The following SUMF1 variants were observed in gnomAD, a reference collection of about 807,000 sequenced individuals.
The protein encoded by SUMF1 is sulfatase modifying factor 1.
A neutral mutation model predicts 47.6 loss-of-function variants in SUMF1; 48 were observed. The ratio of observed to expected loss-of-function variants is 1.01; its 90% CI spans 0.80 to 1.28. The LOEUF (loss-of-function observed/expected upper bound fraction) is 1.28, where lower values mean the gene tolerates loss of function less well. Among genes scored for constraint, SUMF1 ranks in the 50% most tolerant of loss-of-function variants. The probability of loss-of-function intolerance (pLI) is 0.00; values close to 1 mark genes in which losing one functional copy is unlikely to be tolerated. For synonymous variants in SUMF1, 230 were observed against 192.1 expected (o/e 1.20, Z -1.63); for missense variants, 571 against 485.4 (o/e 1.18, Z -1.66).
At chr3:4,056,586 C>T (rs1695195403) in intron 9 of SUMF1, among the ~76,000 whole-genome samples, 2 of 151,886 alleles carry the variant, frequency 1.3e-5, no homozygotes, top group South Asian at 2.1e-4. Context: ...TGAGCCTAAA[C>T]TGTTTGAAGT....
rs187554848 is a variant in SUMF1 at position 4,114,444 on chromosome 3, G to A, written c.1015-45699C>T. Reference sequence around the variant, plus strand: ...GCTAGAAAAATACAGCTTCATCAAAGGTTAAGTGTAACTGTTCATATGATT... The same window carrying A: ...GCTAGAAAAATACAGCTTCATCAAAAGTTAAGTGTAACTGTTCATATGATT... On this transcript the variant is annotated intron_variant and NMD_transcript_variant, in intron 8 of 12. Transcript: ENST00000448413. Among the ~76,000 whole-genome samples, 363 of 152,206 alleles carry A rather than the reference G, an allele frequency of 2.4e-3. 3 individuals are homozygous for A. The highest frequency in any genetic ancestry group is 3.4e-3 in the Middle Eastern group (1 of 294).
In SUMF1 at chr3:4,089,739, C is replaced by T. The variant is rs560972143; in HGVS notation, c.1015-20994G>A. Among the ~76,000 whole-genome samples the T allele has an allele frequency of 2.6e-3, 394 of 152,266 alleles. 2 individuals are homozygous for T. Among genetic ancestry groups the T allele is most frequent in the Non-Finnish European group, 4.5e-3 (307 of 68,012 alleles). On this transcript the variant is annotated intron_variant and NMD_transcript_variant, in intron 8 of 12. Coordinates refer to the SUMF1 transcript ENST00000448413. ...CTCAACTACCACCTTTTAGCAAAGT[C>T]TTTCTGACTTCCCCAACCCAAATTT...
intron 1 of SUMF1, among the ~76,000 whole-genome samples, chr3:4,461,715 T>C (rs867860468): frequency 6.6e-6 from 1 of 152,012 alleles, no homozygotes; most frequent in Middle Eastern, 3.4e-3. Flanking sequence ...TAGATAAAAA[T>C]AGCCTGGATC....
intron 2 of SUMF1, among the ~76,000 whole-genome samples, chr3:4,450,547 C>G (rs964019374): frequency 1.3e-5 from 2 of 152,100 alleles, no homozygotes; most frequent in African/African-American, 4.8e-5. Flanking sequence ...CAAACACCTA[C>G]CATGTGCTCA....
At chr3:4,036,872 A>AGACC (rs1694809012) in intron 9 of SUMF1, among the ~76,000 whole-genome samples, 1 of 119,294 alleles carries the variant, frequency 8.4e-6, no homozygotes, top group African/African-American at 3.3e-5. Flanking sequence ...AAAAAAAAAA[A>AGACC]AGAGACCATG....
At chr3:4,125,206 A>G (rs935739347) in intron 8 of SUMF1, among the ~76,000 whole-genome samples, 2 of 152,130 alleles carry the variant, frequency 1.3e-5, no homozygotes, top group Non-Finnish European at 2.9e-5. Context: ...TTAAATTTAA[A>G]ATAATTAAAA....
At chr3:4,040,620 G>T (rs1434696101) in intron 9 of SUMF1, among the ~76,000 whole-genome samples, 1 of 152,266 alleles carries the variant, frequency 6.6e-6, no homozygotes, top group South Asian at 2.1e-4. Context: ...ATACAAGATT[G>T]GGTATAAAAC....
chr3:4,159,213 C>T (rs1178021096), intron 8 of SUMF1, among the ~76,000 whole-genome samples: 1 of 150,158 alleles, frequency 6.7e-6, no homozygotes, highest in Non-Finnish European at 1.5e-5. Context: ...TTGCAGTCTC[C>T]TCTTCCTTCT....
chr3:4,351,592 GA>G (rs1329392095), intron 8 of SUMF1, among the ~76,000 whole-genome samples: 24 of 152,264 alleles, frequency 1.6e-4, no homozygotes, highest in African/African-American at 5.5e-4. Context: ...TCCAGTGGAT[GA>G]ATGTGTTCCA....
At chr3:4,213,632 C>A (rs917321814) in intron 8 of SUMF1, among the ~76,000 whole-genome samples, 1 of 152,114 alleles carries the variant, frequency 6.6e-6, no homozygotes, top group East Asian at 1.9e-4. Flanking sequence ...TGGATAGAGT[C>A]AAGACCCATC....
intron 8 of SUMF1, among the ~76,000 whole-genome samples, chr3:4,253,162 TC>T (rs767175284): frequency 6.6e-6 from 1 of 152,236 alleles, no homozygotes; most frequent in Non-Finnish European, 1.5e-5. Context: ...TGGTTCACTT[TC>T]CATCTCTTGT....
At chr3:4,244,600 T>G (rs934798533) in intron 8 of SUMF1, among the ~76,000 whole-genome samples, 1 of 152,240 alleles carries the variant, frequency 6.6e-6, no homozygotes, top group African/African-American at 2.4e-5. Context: ...CTCTTCTGGC[T>G]TGTAGGGTTT....
Position 4,467,012 on chromosome 3 carries a change from G to A in SUMF1, c.234C>T (p.Gly78=). ...CGAGTTGCCGCTCTCCGGGTACGGG[G>A]CCCGGAGCGTTAGCCTCCCGCGAGT... ...HRYSREANAP[G]PVPGERQLAH... The change falls in exon 1 of 9, where the codon GGC becomes GGT. Residue 78 remains glycine (G), a synonymous_variant. Transcript: ENST00000272902. 1.9e-6 allele frequency: 3 copies of A among 1,594,436 alleles called. No homozygotes were observed. Among genetic ancestry groups the A allele is most frequent in the South Asian group, 1.1e-5 (1 of 88,330 alleles).
chr3:4,162,358 G>A (rs1694599415), intron 8 of SUMF1, among the ~76,000 whole-genome samples: 1 of 152,146 alleles, frequency 6.6e-6, no homozygotes, highest in Admixed American at 6.5e-5. Flanking sequence ...CACTGGCTCT[G>A]AGCCCAGCAC....
At chr3:4,145,465 C>A (rs1694172259) in intron 8 of SUMF1, among the ~76,000 whole-genome samples, 1 of 152,130 alleles carries the variant, frequency 6.6e-6, no homozygotes, top group South Asian at 2.1e-4. Flanking sequence ...TACCTCTCTG[C>A]AATTCATATC....
chr3:4,249,920 T>A (rs1176572869), intron 8 of SUMF1, among the ~76,000 whole-genome samples: 1 of 152,148 alleles, frequency 6.6e-6, no homozygotes, highest in Non-Finnish European at 1.5e-5. Context: ...CAGTGGCTCA[T>A]GCCTCTAATC....
At chr3:4,066,314 CT>C (rs1559439550) in intron 9 of SUMF1, among the ~76,000 whole-genome samples, 1 of 151,992 alleles carries the variant, frequency 6.6e-6, no homozygotes, top group East Asian at 1.9e-4. Flanking sequence ...ATAAAACGAT[CT>C]TTTTTCATGA....
At chr3:4,452,447 T>C (rs1160010746) in intron 2 of SUMF1, among the ~76,000 whole-genome samples, 7 of 152,210 alleles carry the variant, frequency 4.6e-5, no homozygotes, top group Non-Finnish European at 7.3e-5. Flanking sequence ...TATGAAATGC[T>C]TCTGGAAAAA....
At position 4,051,877 on chromosome 3, in the gene SUMF1, C is replaced by T. The variant is rs534961030; in HGVS notation, c.1191+16692G>A. Reference sequence around the variant, plus strand: ...TACCCCTGCAGCCTAAGTGGTAAACCGGTCTGAGTAAGGTCAGTACTGCAC... The same window carrying T: ...TACCCCTGCAGCCTAAGTGGTAAACTGGTCTGAGTAAGGTCAGTACTGCAC... On this transcript the variant is annotated intron_variant and NMD_transcript_variant, in intron 9 of 12. Coordinates refer to the SUMF1 transcript ENST00000448413. Among the ~76,000 whole-genome samples the T allele has an allele frequency of 8.5e-5, 13 of 152,216 alleles. No individual in the cohort carries two copies. The South Asian group carries it at 2.3e-3, about 27-fold the overall frequency.
Sources: allele counts gnomAD v4.1 joint callset (sites outside exome capture counted in the v4.1 genomes callset), GRCh38; gene constraint gnomAD v4.1.1; transcripts MANE v1.5; gene names NCBI Gene and HGNC (gene_info 2026-07-23, HGNC 2026-07-21).